The following STAG1 variants were observed in gnomAD, a reference collection of about 807,000 sequenced individuals.
STAG1 encodes the protein cohesin subunit SA-1.
STAG1 carries 26 observed loss-of-function variants against 170.9 expected under a neutral mutation model. The observed-to-expected ratio is 0.15, with a 90% CI of 0.11 to 0.21. The LOEUF is 0.21. STAG1 is among the 10% of genes least tolerant of loss of function. The pLI, the probability that STAG1 is intolerant of heterozygous loss-of-function variation, is 1.00. For synonymous variants in STAG1, 514 were observed against 497.7 expected (o/e 1.03, Z -0.44); for missense variants, 964 against 1,509.5 (o/e 0.64, Z 5.99).
At chr3:136,666,548 T>TGGCTCAC (rs1310264642) in intron 1 of STAG1, among the ~76,000 whole-genome samples, 2 of 152,172 alleles carry the variant, frequency 1.3e-5, no homozygotes, top group Admixed American at 1.3e-4. Context: ...CTGGGCGCGG[T>TGGCTCAC]GGCTCACGCC....
chr3:136,525,304 T>A (rs1457955422), intron 6 of STAG1, among the ~76,000 whole-genome samples: 1 of 152,228 alleles, frequency 6.6e-6, no homozygotes, highest in Non-Finnish European at 1.5e-5. Context: ...GGATTCAACT[T>A]CTTCCTGGTT....
intron 5 of STAG1, among the ~76,000 whole-genome samples, chr3:136,542,999 T>C (rs1262215471): frequency 2.0e-5 from 3 of 152,122 alleles, no homozygotes; most frequent in Admixed American, 1.3e-4. Context: ...ATCAAAACTA[T>C]AGATGGAGCT....
At chr3:136,346,889 A>G (rs956919347) in intron 29 of STAG1, among the ~76,000 whole-genome samples, 1 of 152,182 alleles carries the variant, frequency 6.6e-6, no homozygotes, top group Admixed American at 6.5e-5. Flanking sequence ...GCTTGAGTCC[A>G]GGAGTTCAAG....
At chr3:136,516,842 G>T (rs1047229655) in intron 7 of STAG1, among the ~76,000 whole-genome samples, 3 of 152,092 alleles carry the variant, frequency 2.0e-5, no homozygotes, top group Non-Finnish European at 4.4e-5. Context: ...TTATGTTAAG[G>T]ACTTGTCCAA....
At chr3:136,663,726 C>G (rs571479835) in intron 1 of STAG1, among the ~76,000 whole-genome samples, 1 of 152,122 alleles carries the variant, frequency 6.6e-6, no homozygotes, top group East Asian at 1.9e-4. Flanking sequence ...TTTGTTCCAC[C>G]CTTGATCTTC....
At chr3:136,700,966 C>G (rs188703747) in intron 1 of STAG1, among the ~76,000 whole-genome samples, 89 of 145,978 alleles carry the variant, frequency 6.1e-4, no homozygotes, top group African/African-American at 2.2e-3. Flanking sequence ...AATGCAACCT[C>G]GACCTCCCGG....
intron 1 of STAG1, among the ~76,000 whole-genome samples, chr3:136,718,319 A>G (rs1442061083): frequency 6.6e-6 from 1 of 152,196 alleles, no homozygotes; most frequent in Non-Finnish European, 1.5e-5. Flanking sequence ...AGGAGGCAAT[A>G]AACTATTTTG....
chr3:136,389,211 A>G (rs1214607641), intron 22 of STAG1, among the ~76,000 whole-genome samples: 1 of 152,214 alleles, frequency 6.6e-6, no homozygotes, highest in East Asian at 1.9e-4. Flanking sequence ...AAGTTTGGAT[A>G]TTTGTAAACG....
At chr3:136,341,834 A>T (rs2108258236) in intron 30 of STAG1, among the ~76,000 whole-genome samples, 1 of 152,330 alleles carries the variant, frequency 6.6e-6, no homozygotes, top group African/African-American at 2.4e-5. Context: ...TGCCGCACTC[A>T]CAGGTGTACC....
intron 25 of STAG1, among the ~76,000 whole-genome samples, chr3:136,365,404 C>T (rs1272816522): frequency 6.6e-6 from 1 of 152,048 alleles, no homozygotes; most frequent in Non-Finnish European, 1.5e-5. Context: ...AAACTTTGTG[C>T]TCTTTAAGAA....
chr3:136,688,035 C>A (rs1434926666), intron 1 of STAG1, among the ~76,000 whole-genome samples: 1 of 152,090 alleles, frequency 6.6e-6, no homozygotes. Context: ...CGGTGCCCAG[C>A]CAGAAGAGAC....
intron 14 of STAG1, among the ~76,000 whole-genome samples, chr3:136,446,721 C>A (rs1252573950): frequency 6.6e-6 from 1 of 151,378 alleles, no homozygotes; most frequent in Non-Finnish European, 1.5e-5. Context: ...CAGTGCCTGG[C>A]CTCCCTTGTT....
chr3:136,533,747 AT>A (rs1935489245), intron 6 of STAG1, among the ~76,000 whole-genome samples: 1 of 152,220 alleles, frequency 6.6e-6, no homozygotes, highest in Non-Finnish European at 1.5e-5. Context: ...TGGGGATTAC[AT>A]TTCAACATGA....
At chr3:136,620,682 TTGAG>T (rs1939801175) in intron 3 of STAG1, among the ~76,000 whole-genome samples, 1 of 152,206 alleles carries the variant, frequency 6.6e-6, no homozygotes, top group Non-Finnish European at 1.5e-5. Flanking sequence ...ATGGGACTGA[TTGAG>T]TTAGGTGGAA....
At chr3:136,359,331 G>A in intron 26 of STAG1, 35 bp from the exon 27 acceptor site, 1 of 1,478,948 alleles carries the variant, frequency 6.8e-7, no homozygotes, top group South Asian at 1.3e-5. Flanking sequence ...AAAACCTATA[G>A]CTCAGAATTT....
At chr3:136,690,639 G>A (rs1206652535) in intron 1 of STAG1, among the ~76,000 whole-genome samples, 2 of 152,150 alleles carry the variant, frequency 1.3e-5, no homozygotes, top group Non-Finnish European at 2.9e-5. Context: ...CATTAAGGTG[G>A]AGGGGTGTCT....
At chr3:136,454,984 A>C (rs2089064206) in intron 13 of STAG1, among the ~76,000 whole-genome samples, 5 of 152,200 alleles carry the variant, frequency 3.3e-5, no homozygotes. Flanking sequence ...GAAGAATGAT[A>C]AAAGAGATCA....
chr3:136,663,968 A>G (rs1457368662), intron 1 of STAG1, among the ~76,000 whole-genome samples: 1 of 152,190 alleles, frequency 6.6e-6, no homozygotes. Context: ...AAATGCAAAG[A>G]GCAGGGGTTA....
intron 13 of STAG1, among the ~76,000 whole-genome samples, chr3:136,462,186 C>T (rs774120274): frequency 6.6e-6 from 1 of 152,132 alleles, no homozygotes; most frequent in Non-Finnish European, 1.5e-5. Flanking sequence ...AGCAACTCCA[C>T]TGCTAAGTAT....
Sources: allele counts gnomAD v4.1 joint callset (sites outside exome capture counted in the v4.1 genomes callset), GRCh38; gene constraint gnomAD v4.1.1; transcripts MANE v1.5; gene names NCBI Gene and HGNC (gene_info 2026-07-23, HGNC 2026-07-21).